CAPZB: variants seen among roughly 807,000 people sequenced by gnomAD.
CAPZB encodes capping actin protein of muscle Z-line subunit beta.
Under a neutral mutation model 38.1 loss-of-function variants are expected in CAPZB, and 2 were observed. The ratio of observed to expected loss-of-function variants is 0.05; its 90% CI spans 0.02 to 0.17. The LOEUF is 0.17. Ranked by LOEUF, CAPZB falls within the 10% of genes least tolerant of loss-of-function variation. The probability of loss-of-function intolerance (pLI) is 1.00; values close to 1 mark genes in which losing one functional copy is unlikely to be tolerated. For missense variants in CAPZB, 161 were observed against 334.2 expected (o/e 0.48, Z 4.04); for synonymous variants, 107 against 127.4 (o/e 0.84, Z 1.08).
At chr1:19,362,427 G>A (rs1414247487) in intron 4 of CAPZB, among the ~76,000 whole-genome samples, 4 of 152,106 alleles carry the variant, frequency 2.6e-5, no homozygotes, top group Non-Finnish European at 5.9e-5. Context: ...AGTAGAGACT[G>A]GGTCTCACCA....
chr1:19,440,565 T>C (rs1374381319), intron 1 of CAPZB, among the ~76,000 whole-genome samples: 1 of 152,040 alleles, frequency 6.6e-6, no homozygotes, highest in Non-Finnish European at 1.5e-5. Context: ...AGCAAGGTGC[T>C]GTGATGTTGC....
intron 1 of CAPZB, among the ~76,000 whole-genome samples, chr1:19,466,716 C>T (rs1460513037): frequency 1.3e-5 from 2 of 152,206 alleles, no homozygotes; most frequent in African/African-American, 4.8e-5. Flanking sequence ...TGCAGCATTT[C>T]CCATGGCATG....
chr1:19,345,466 G>A (rs1283754801), intron 6 of CAPZB, among the ~76,000 whole-genome samples: 1 of 152,248 alleles, frequency 6.6e-6, no homozygotes, highest in Non-Finnish European at 1.5e-5. Flanking sequence ...GAAGCCCAGA[G>A]TCCCACTTCC....
chr1:19,379,938 C>CA (rs1489684804), intron 3 of CAPZB, among the ~76,000 whole-genome samples: 5 of 152,162 alleles, frequency 3.3e-5, no homozygotes, highest in African/African-American at 1.2e-4. Flanking sequence ...TTTCCACTGT[C>CA]AGAGACCCAC....
chr1:19,348,261 CTTTTT>C (rs112166487), intron 6 of CAPZB, among the ~76,000 whole-genome samples: 2 of 145,592 alleles, frequency 1.4e-5, no homozygotes, highest in Non-Finnish European at 3.0e-5. Flanking sequence ...GTTTAGGGCA[CTTTTT>C]TTTTTTTAAT....
At chr1:19,484,263 C>T (rs761391822) in intron 1 of CAPZB, 17 of 1,612,030 alleles carry the variant, frequency 1.1e-5, no homozygotes, top group Admixed American at 1.7e-5. Flanking sequence ...GGGGAGGCTG[C>T]GCCTGCTTGG....
intron 1 of CAPZB, among the ~76,000 whole-genome samples, chr1:19,450,162 A>G (rs1165562029): frequency 6.9e-5 from 9 of 131,006 alleles, no homozygotes; most frequent in African/African-American, 2.2e-4. Context: ...AAAAAAAAAA[A>G]AAAAAAAGAA....
chr1:19,354,825 C>T (rs1188007671), intron 6 of CAPZB, among the ~76,000 whole-genome samples: 1 of 152,250 alleles, frequency 6.6e-6, no homozygotes, highest in Non-Finnish European at 1.5e-5. Flanking sequence ...CAGGATTTTC[C>T]ACCCACTCCC....
chr1:19,447,165 A>C (rs2100673912), intron 1 of CAPZB, among the ~76,000 whole-genome samples: 1 of 152,120 alleles, frequency 6.6e-6, no homozygotes, highest in South Asian at 2.1e-4. Flanking sequence ...CCTTCTGCAG[A>C]GAAGGATTTT....
At chr1:19,443,395 C>CA (rs1215273235) in intron 1 of CAPZB, among the ~76,000 whole-genome samples, 2 of 151,824 alleles carry the variant, frequency 1.3e-5, no homozygotes, top group African/African-American at 2.4e-5. Context: ...GACCCTATCT[C>CA]AAAAAAATAA....
At chr1:19,484,803 G>C (rs1051373789) in intron 1 of CAPZB, 1 of 648,190 alleles carries the variant, frequency 1.5e-6, no homozygotes, top group African/African-American at 2.0e-5. Context: ...GGAGGGGGCA[G>C]TGAGGTCCAG....
intron 2 of CAPZB, among the ~76,000 whole-genome samples, chr1:19,389,366 T>C (rs2094220006): frequency 2.0e-5 from 3 of 152,192 alleles, no homozygotes; most frequent in Admixed American, 2.0e-4. Flanking sequence ...TCAGTCTGAA[T>C]TTCAGATACA....
intron 1 of CAPZB, among the ~76,000 whole-genome samples, chr1:19,467,897 G>A (rs929554625): frequency 4.6e-5 from 7 of 152,162 alleles, no homozygotes; most frequent in Admixed American, 1.3e-4. Flanking sequence ...CTGCAGGGCC[G>A]CAGAGCTCTC....
intron 4 of CAPZB, among the ~76,000 whole-genome samples, chr1:19,373,279 G>A (rs557339737): frequency 6.6e-6 from 1 of 152,264 alleles, no homozygotes; most frequent in Non-Finnish European, 1.5e-5. Flanking sequence ...AAGGAGTCAC[G>A]CTCCCAACTG....
In CAPZB at chr1:19,354,336, T is replaced by A. The variant is rs531393504; in HGVS notation, c.588+2299A>T. On this transcript the variant is annotated intron_variant, in intron 6 of 8. Coordinates refer to ENST00000264202, the MANE Select transcript of CAPZB (RefSeq NM_004930.5). Reference sequence around the variant, plus strand: ...CACAGGCGTTTTTCCAAGGCTCCTCTGGGACCCGTAGCCAAGCTCTGCAAC... The same window carrying A: ...CACAGGCGTTTTTCCAAGGCTCCTCAGGGACCCGTAGCCAAGCTCTGCAAC... Among the ~76,000 whole-genome samples the A allele has an allele frequency of 2.6e-5, 4 of 152,326 alleles. No individual in the cohort carries two copies. In the East Asian group the frequency reaches 7.7e-4, roughly 29 times the overall value.
At position 19,401,520 on chromosome 1, in the gene CAPZB, C is replaced by CA. The variant is rs377117566; in HGVS notation, c.94-15895dup. Reference sequence around the variant, plus strand: ...TGAAGCATGCAGTCCTGTCTTTTGCCACCTTTTCAGCAGCCTCAGGTGAGC... The same window carrying CA: ...TGAAGCATGCAGTCCTGTCTTTTGCCAACCTTTTCAGCAGCCTCAGGTGAGC... On this transcript the variant is annotated intron_variant, in intron 2 of 8. Coordinates refer to ENST00000264202, the MANE Select transcript of CAPZB (RefSeq NM_004930.5). Among the ~76,000 whole-genome samples the CA allele has an allele frequency of 2.5e-3, 320 of 126,622 alleles. 2 individuals carry two copies. The highest frequency in any genetic ancestry group is 7.7e-3 in the African/African-American group (309 of 39,940). The allele number at this position is 126,622 out of a possible 152,430, so 83.1% of individuals were successfully genotyped here.
rs187245136 is a variant in CAPZB, at chr1:19,423,674, A to G, written c.4-3924T>C. ...TAAGTAGCTTGGATTACAGGCACAC[A>G]CCACCATGCCTGGTTAATTTTTGTT... On this transcript the variant is annotated intron_variant, in intron 1 of 8. Transcript: ENST00000264202. Among the ~76,000 whole-genome samples the G allele has an allele frequency of 5.9e-5, 9 of 151,658 alleles. No individual in the cohort carries two copies. In the East Asian group the frequency reaches 1.6e-3, roughly 26 times the overall value.
At chr1:19,429,161 CT>C (rs1430750875) in intron 1 of CAPZB, among the ~76,000 whole-genome samples, 1 of 152,136 alleles carries the variant, frequency 6.6e-6, no homozygotes, top group African/African-American at 2.4e-5. Context: ...CCTGTGTCTG[CT>C]TTTTACATTT....
intron 4 of CAPZB, among the ~76,000 whole-genome samples, chr1:19,360,699 G>A (rs749153879): frequency 6.6e-6 from 1 of 152,188 alleles, no homozygotes. Flanking sequence ...CCGCATTAAA[G>A]TTTTATAGGG....
Sources: gnomAD v4.1 joint callset for allele counts (sites outside exome capture counted in the v4.1 genomes callset) on GRCh38, gnomAD v4.1.1 for gene constraint, MANE v1.5 for transcripts, NCBI Gene and HGNC (gene_info 2026-07-23, HGNC 2026-07-21) for gene names.